The following VIM variants were observed in gnomAD, a reference collection of about 807,000 sequenced individuals.
VIM encodes vimentin.
A neutral mutation model predicts 50.3 loss-of-function variants in VIM; 18 were observed. That is an observed-to-expected ratio of 0.36 (90% confidence interval 0.25 to 0.53). The LOEUF is 0.53. Among genes scored for constraint, VIM ranks in the 20% least tolerant of loss-of-function variants. The pLI, the probability that VIM is intolerant of heterozygous loss-of-function variation, is 0.91. For missense variants in VIM, 551 were observed against 614.7 expected, an observed-to-expected ratio of 0.90 and a Z score of 1.10; for synonymous variants, 245 against 248.5, an observed-to-expected ratio of 0.99 and a Z score of 0.13.
At position 17,233,596 on chromosome 10, in the gene VIM, A is replaced by G. The variant is rs760525619; in HGVS notation, c.634A>G (p.Asn212Asp). The G allele has an allele frequency of 3.7e-6, 6 of 1,614,224 alleles. No individual in the cohort carries two copies. In the South Asian group the frequency reaches 6.6e-5, roughly 18 times the overall value. The change falls in exon 4 of 10, where the codon AAT (asparagine) becomes GAT (aspartate). Residue 212 changes from asparagine to aspartate, a missense_variant. Physicochemically the swap from Asn to Asp is conservative, Grantham distance 23. Coordinates refer to ENST00000544301, the MANE Select transcript of VIM (RefSeq NM_003380.5). ...TCTCTGTTCAAAATAGGATGTTGACAATGCGTCTCTGGCACGTCTTGACCT... is the reference window on the plus strand; with the variant it reads ...TCTCTGTTCAAAATAGGATGTTGACGATGCGTCTCTGGCACGTCTTGACCT... The part of the protein sequence containing the change: ...TLQSFRQDVD[N>D]ASLARLDLER...
At position 17,229,504 on chromosome 10, in the gene VIM, C is replaced by T. The variant is rs1194887764; in HGVS notation, c.82C>T (p.Arg28Trp). ...CACCGCGAGCCGGCCGAGCTCCAGC[C>T]GGAGCTACGTGACTACGTCCACCCG... ...PGTASRPSSS[R>W]SYVTTSTRTY... The change falls in exon 2 of 10, where the codon CGG becomes TGG. Residue 28 changes from arginine (R) to tryptophan (W), a missense_variant. This residue lies in a region of VIM where 134 missense variants were observed against 126.4 expected (regional missense o/e 1.06). Transcript: ENST00000544301. The T allele has an allele frequency of 1.9e-6, 3 of 1,607,834 alleles. No individual in the cohort carries two copies. Among genetic ancestry groups the T allele is most frequent in the East Asian group, 2.2e-5 (1 of 44,746 alleles).
At chr10:17,233,486 G>T in intron 3 of VIM, 101 bp from the exon 4 acceptor site, 2 of 1,184,136 alleles carry the variant, frequency 1.7e-6, no homozygotes, top group Middle Eastern at 2.1e-4. Flanking sequence ...CTTTTCTATA[G>T]TAAGGAGACT....
At chr10:17,235,428 C>T in intron 7 of VIM, 39 bp downstream of exon 7, 1 of 1,606,386 alleles carries the variant, frequency 6.2e-7, no homozygotes. Flanking sequence ...CTAATGGTGA[C>T]CATTTGTTAG....
chr10:17,236,030 C>A (rs1382454581), intron 8 of VIM, 141 bp downstream of exon 8: 2 of 907,702 alleles, frequency 2.2e-6, no homozygotes, highest in Non-Finnish European at 3.5e-6. Context: ...ATTTTCGAAC[C>A]CAAGTACACT....
intron 2 of VIM, 62 bp from the exon 3 acceptor site, chr10:17,230,588 T>C: frequency 1.3e-6 from 2 of 1,584,804 alleles, no homozygotes; most frequent in South Asian, 1.1e-5. Flanking sequence ...GGTGTTTGGG[T>C]GTGGCCGCCC....
In VIM at chr10:17,233,652, G is replaced by A; in HGVS notation, c.690G>A (p.Glu230=). 1 of 1,614,208 alleles carries A rather than the reference G, an allele frequency of 6.2e-7. No homozygotes were observed. Among genetic ancestry groups the A allele is most frequent in the South Asian group, 1.1e-5 (1 of 91,086 alleles). Residue 230 remains glutamate, a synonymous_variant, in exon 4 of 10, where the codon GAG becomes GAA. Coordinates refer to ENST00000544301, the MANE Select transcript of VIM (RefSeq NM_003380.5). ...GCAAAGTGGAATCTTTGCAAGAAGA[G>A]ATTGCCTTTTTGAAGAAACTCCACG... ...LERKVESLQE[E]IAFLKKLHEE...
At position 17,234,560 on chromosome 10, in the gene VIM, C is replaced by G. The variant is rs529356852; in HGVS notation, c.883-133C>G. The G allele has an allele frequency of 7.5e-5, 102 of 1,354,202 alleles. 1 individual carries two copies. The South Asian group carries it at 1.1e-3, about 15-fold the overall frequency. 83.9% of individuals were successfully genotyped at this position (1,354,202 alleles called of 1,614,324 possible). On this transcript the variant is annotated intron_variant, in intron 5 of 9. Transcript: ENST00000544301. ...ATACTAATGTCAGTACTCCACTGCT[C>G]TTTCCCTGGCTTTCAAAACAGAAAT...
At chr10:17,235,640 C>A in intron 7 of VIM, 1 of 697,622 alleles carries the variant, frequency 1.4e-6, no homozygotes, top group South Asian at 1.8e-5. Flanking sequence ...CCTGTTCATG[C>A]TCCTGTGGAG....
At chr10:17,229,144 A>ACACCCC in intron 1 of VIM, 132 bp from the exon 2 acceptor site, 1 of 176,160 alleles carries the variant, frequency 5.7e-6, no homozygotes, top group Non-Finnish European at 1.1e-5. Context: ...GGGCGCCCCC[A>ACACCCC]CCCCACCCGC....
Position 17,233,938 on chromosome 10 carries a change from A to C in VIM, c.882+7A>C, listed in dbSNP as rs188726419. 100 of 1,611,878 alleles carry C rather than the reference A, an allele frequency of 6.2e-5. 3 individuals are homozygous for C. The Admixed American group carries it at 1.4e-3, about 23-fold the overall frequency. On this transcript the variant is annotated splice_region_variant and intron_variant, in intron 5 of 9. Coordinates refer to ENST00000544301, the MANE Select transcript of VIM (RefSeq NM_003380.5). ...AGAATGGTACAAATCCAAGGTAGGA[A>C]ACAAATCAGTGCGGCTTCAACCAAA...
Position 17,230,595 on chromosome 10 carries a change from G to T in VIM, c.564-55G>T, listed in dbSNP as rs375806055. The T allele has an allele frequency of 1.2e-5, 19 of 1,601,246 alleles. No homozygotes were observed. In the African/African-American group the frequency reaches 2.0e-4, roughly 17 times the overall value. The stretch of plus-strand genomic sequence containing the variant: ...GAATACGTGGTGTTTGGGTGTGGCC[G>T]CCCCGCCCCTGGCGGTTTCCTCGTT... On this transcript the variant is annotated intron_variant, in intron 2 of 9. Transcript: ENST00000544301.
chr10:17,229,263 C>T lies in VIM; in HGVS notation c.-147-13C>T. On this transcript the variant is annotated splice_polypyrimidine_tract_variant and intron_variant, in intron 1 of 9. Coordinates refer to ENST00000544301, the MANE Select transcript of VIM (RefSeq NM_003380.5). Reference sequence around the variant, plus strand: ...AACGGGGTTATAAAAACAGCGCCCTCGGCGGGGTCCAGTCCTCTGCCACTC... The same window carrying T: ...AACGGGGTTATAAAAACAGCGCCCTTGGCGGGGTCCAGTCCTCTGCCACTC... 1.4e-6 allele frequency: 1 copy of T among 708,350 alleles called. No homozygotes were observed. The highest frequency in any genetic ancestry group is 1.8e-5 in the African/African-American group (1 of 54,368). 43.9% of individuals were successfully genotyped at this position (708,350 alleles called of 1,614,324 possible).
At position 17,235,896 on chromosome 10, in the gene VIM, A is replaced by G; in HGVS notation, c.1273+7A>G. 6.2e-7 allele frequency: 1 copy of G among 1,612,876 alleles called. No homozygotes were observed. On this transcript the variant is annotated splice_region_variant and intron_variant, in intron 8 of 9. Coordinates refer to ENST00000544301, the MANE Select transcript of VIM (RefSeq NM_003380.5). ...TCCTCCCTGAACCTGAGGGGTAAGC[A>G]TTTTATTTCCCTTTAGGAAAAACGT...
Position 17,233,887 on chromosome 10 carries a change from G to A in VIM, c.838G>A (p.Ala280Thr). Residue 280 changes from alanine to threonine, a missense_variant, in exon 5 of 10, where the codon GCT becomes ACT. Coordinates refer to ENST00000544301, the MANE Select transcript of VIM (RefSeq NM_003380.5). ...CGTACGTCAGCAATATGAAAGTGTG[G>A]CTGCCAAGAACCTGCAGGAGGCAGA... ...RDVRQQYESV[A>T]AKNLQEAEEW... 1 of 1,614,146 alleles carries A rather than the reference G, an allele frequency of 6.2e-7. No individual in the cohort carries two copies. Among genetic ancestry groups the A allele is most frequent in the Non-Finnish European group, 8.5e-7 (1 of 1,180,006 alleles).
In VIM at chr10:17,235,245, T is replaced by A. The variant is rs114322672; in HGVS notation, c.1085T>A (p.Ile362Asn). The change falls in exon 7 of 10, where the codon ATT (isoleucine) becomes AAT (asparagine). Residue 362 changes from isoleucine to asparagine, a missense_variant. Around this residue, in one of 3 missense-constraint regions of VIM, gnomAD observed 394 missense variants for 437.5 expected, o/e 0.90. Coordinates refer to ENST00000544301, the MANE Select transcript of VIM (RefSeq NM_003380.5). Reference sequence around the variant, plus strand: ...GAAGCTGCTAACTACCAAGACACTATTGGCCGCCTGCAGGATGAGATTCAG... The same window carrying A: ...GAAGCTGCTAACTACCAAGACACTAATGGCCGCCTGCAGGATGAGATTCAG... ...AVEAANYQDT[I>N]GRLQDEIQNM... 5.6e-6 allele frequency: 9 copies of A among 1,614,100 alleles called. No homozygotes were observed. The East Asian group carries it at 1.8e-4, about 32-fold the overall frequency.
chr10:17,228,241 G>A lies in VIM; in HGVS notation c.-431G>A, dbSNP rs1223721867. On this transcript the variant is annotated 5_prime_UTR_variant, in exon 1 of 10. Transcript: ENST00000544301. ...AACCTTCCCGGTGCAATCGTGATCT[G>A]GGAGGCCCACGTATGGCGCCTCTCC... 1 of 152,180 alleles carries A rather than the reference G, an allele frequency of 6.6e-6. No homozygotes were observed. Among genetic ancestry groups the A allele is most frequent in the Non-Finnish European group, 1.5e-5 (1 of 68,040 alleles). The allele number at this position is 152,180 out of a possible 1,614,324, so 9.4% of individuals were successfully genotyped here.
At position 17,233,668 on chromosome 10, in the gene VIM, A is replaced by C. The variant is rs1846834685; in HGVS notation, c.706A>C (p.Lys236Gln). 1.2e-6 allele frequency: 2 copies of C among 1,614,226 alleles called. No individual in the cohort carries two copies. Among genetic ancestry groups the C allele is most frequent in the Non-Finnish European group, 8.5e-7 (1 of 1,180,038 alleles). ...SLQEEIAFLK[K>Q]LHEEEIQELQ... ...GCAAGAAGAGATTGCCTTTTTGAAG[A>C]AACTCCACGAAGAGGTTAGTGGAGT... Residue 236 changes from lysine (K) to glutamine (Q), a missense_variant, in exon 4 of 10, where the codon AAA becomes CAA. Lys to Gln is a moderately conservative substitution (Grantham distance 53). Transcript: ENST00000544301.
chr10:17,231,650 A>G (rs1588733497), intron 3 of VIM, among the ~76,000 whole-genome samples: 1 of 152,228 alleles, frequency 6.6e-6, no homozygotes, highest in Admixed American at 6.5e-5. Flanking sequence ...AGCATACCTC[A>G]CATTTTAAAA....
At position 17,233,673 on chromosome 10, in the gene VIM, C is replaced by T. The variant is rs1252856204; in HGVS notation, c.711C>T (p.Leu237=). The part of the protein sequence containing the change: ...LQEEIAFLKK[L]HEEEIQELQA... ...AAGAGATTGCCTTTTTGAAGAAACT[C>T]CACGAAGAGGTTAGTGGAGTGACTT... The change falls in exon 4 of 10, where the codon CTC becomes CTT. Residue 237 remains leucine, a synonymous_variant. Coordinates refer to ENST00000544301, the MANE Select transcript of VIM (RefSeq NM_003380.5). 6.2e-7 allele frequency: 1 copy of T among 1,614,134 alleles called. No individual in the cohort carries two copies. Among genetic ancestry groups the T allele is most frequent in the African/African-American group, 1.3e-5 (1 of 75,026 alleles).
Sources: gnomAD v4.1 joint callset for allele counts (sites outside exome capture counted in the v4.1 genomes callset) on GRCh38, gnomAD v4.1.1 for gene constraint, gnomAD v4.1.1 regional missense constraint, MANE v1.5 for transcripts, NCBI Gene and HGNC (gene_info 2026-07-23, HGNC 2026-07-21) for gene names.